The following MYO3A variants were observed in gnomAD, a reference collection of about 807,000 sequenced individuals.
MYO3A encodes myosin IIIA, also known as myosin-IIIa.
In MYO3A, 180 loss-of-function variants were observed where a neutral mutation model predicts 192.7. The observed-to-expected ratio is 0.93, with a 90% CI of 0.83 to 1.06. The LOEUF (loss-of-function observed/expected upper bound fraction) is 1.06. Ranked by LOEUF, MYO3A falls within the 50% of genes least tolerant of loss-of-function variation. The probability of loss-of-function intolerance (pLI) is 0.00; values close to 1 mark genes in which losing one functional copy is unlikely to be tolerated. For missense variants in MYO3A, 1,896 were observed against 1,905.0 expected, an observed-to-expected ratio of 1.00 and a Z score of 0.09; for synonymous variants, 628 against 645.3, an observed-to-expected ratio of 0.97 and a Z score of 0.41.
intron 25 of MYO3A, among the ~76,000 whole-genome samples, chr10:26,156,927 A>C (rs984200530): frequency 6.6e-6 from 1 of 152,222 alleles, no homozygotes; most frequent in Non-Finnish European, 1.5e-5. Flanking sequence ...TTGGACAAGG[A>C]AATTAATATA....
In MYO3A at chr10:26,191,421, G is replaced by T. The variant is rs138175502; in HGVS notation, c.4439-1784G>T. ...CCTTGAAAAAGGGAGAGAGGGAATG[G>T]GAGATGAACCTCCAGGGATGGGTTG... is the stretch of plus-strand genomic sequence containing the variant. On this transcript the variant is annotated intron_variant, in intron 31 of 34. Transcript: ENST00000642920. Among the ~76,000 whole-genome samples the T allele has an allele frequency of 5.5e-3, 840 of 152,280 alleles. 8 individuals carry two copies. The highest frequency in any genetic ancestry group is 0.019 in the African/African-American group (787 of 41,560).
intron 10 of MYO3A, among the ~76,000 whole-genome samples, chr10:26,030,017 T>C (rs1842735145): frequency 6.6e-6 from 1 of 152,200 alleles, no homozygotes; most frequent in Non-Finnish European, 1.5e-5. Context: ...GTAGATCTTA[T>C]GTCTCTCCAT....
chr10:26,062,498 A>G (rs574388294), intron 10 of MYO3A, among the ~76,000 whole-genome samples: 19 of 144,108 alleles, frequency 1.3e-4, no homozygotes, highest in African/African-American at 4.9e-4. Context: ...GCCTGGCGAC[A>G]GAGTGAGATG....
chr10:25,968,148 T>C (rs1023229812), intron 4 of MYO3A, among the ~76,000 whole-genome samples: 2 of 151,978 alleles, frequency 1.3e-5, no homozygotes, highest in African/African-American at 4.8e-5. Context: ...TGAAAACTAA[T>C]GAGAAGGATT....
At chr10:25,985,706 A>C (rs1839610811) in intron 4 of MYO3A, among the ~76,000 whole-genome samples, 1 of 151,640 alleles carries the variant, frequency 6.6e-6, no homozygotes. Context: ...TAATAAAAAA[A>C]TTGCCCACCA....
At chr10:26,037,525 A>T (rs898232680) in intron 10 of MYO3A, among the ~76,000 whole-genome samples, 1 of 152,182 alleles carries the variant, frequency 6.6e-6, no homozygotes, top group African/African-American at 2.4e-5. Context: ...ATGGTGAGAG[A>T]TAGGGATCTA....
At chr10:26,086,639 G>A (rs1270508066) in intron 14 of MYO3A, among the ~76,000 whole-genome samples, 1 of 151,996 alleles carries the variant, frequency 6.6e-6, no homozygotes, top group Non-Finnish European at 1.5e-5. Flanking sequence ...AAAAAAAGGT[G>A]GTGCTACCCC....
intron 11 of MYO3A, 55 bp downstream of exon 11, chr10:26,067,129 A>G: frequency 1.7e-6 from 2 of 1,190,594 alleles, no homozygotes; most frequent in Non-Finnish European, 2.5e-6. Context: ...GTTAATTTAT[A>G]GAAGACACGG....
At chr10:26,098,149 G>A (rs1837175593) in intron 17 of MYO3A, among the ~76,000 whole-genome samples, 1 of 152,164 alleles carries the variant, frequency 6.6e-6, no homozygotes, top group African/African-American at 2.4e-5. Flanking sequence ...GTTTTGATTT[G>A]CATTTCTCTG....
At chr10:25,964,098 G>A (rs925168618) in intron 4 of MYO3A, among the ~76,000 whole-genome samples, 1 of 152,008 alleles carries the variant, frequency 6.6e-6, no homozygotes. Context: ...CATTACTAGT[G>A]TGCTATAGTG....
intron 32 of MYO3A, among the ~76,000 whole-genome samples, chr10:26,200,163 C>G (rs926075572): frequency 6.6e-6 from 1 of 152,220 alleles, no homozygotes; most frequent in African/African-American, 2.4e-5. Flanking sequence ...GAAGCACTCA[C>G]TTCCACCTCA....
chr10:25,960,063 A>G (rs909054095), intron 4 of MYO3A, among the ~76,000 whole-genome samples: 3 of 152,088 alleles, frequency 2.0e-5, no homozygotes, highest in African/African-American at 7.2e-5. Flanking sequence ...GCACTGCTAA[A>G]TCAGTTACTG....
chr10:26,141,955 C>T (rs367619873), intron 20 of MYO3A, among the ~76,000 whole-genome samples: 27 of 152,298 alleles, frequency 1.8e-4, no homozygotes, highest in African/African-American at 6.5e-4. Context: ...AAATGTCCCA[C>T]CTGCCACTGG....
intron 2 of MYO3A, among the ~76,000 whole-genome samples, chr10:25,948,250 T>C (rs1026073571): frequency 5.9e-5 from 9 of 152,146 alleles, no homozygotes; most frequent in Non-Finnish European, 1.3e-4. Context: ...AAGAATTAGG[T>C]GCATGTTTAC....
intron 10 of MYO3A, among the ~76,000 whole-genome samples, chr10:26,039,303 G>A (rs904151029): frequency 4.8e-5 from 7 of 144,572 alleles, no homozygotes; most frequent in South Asian, 4.4e-4. Context: ...CAGGTCATCC[G>A]CCTGTCTCGG....
Position 26,125,572 on chromosome 10 carries a change from G to A in MYO3A, c.2078G>A (p.Cys693Tyr). Residue 693 changes from cysteine (C) to tyrosine (Y), a missense_variant, in exon 19 of 35, where the codon TGC becomes TAC. Physicochemically the swap from Cys to Tyr is radical, Grantham distance 194. Transcript: ENST00000642920. ...CGTCTCTTTAGTTGGATAGTCAATT[G>A]CATTAACAGTTTGTTGAAGCATGAC... Reference protein sequence around the residue: ...YGRLFSWIVNCINSLLKHDSS... With the variant: ...YGRLFSWIVNYINSLLKHDSS... 2 of 1,613,978 alleles carry A rather than the reference G, an allele frequency of 1.2e-6. No individual in the cohort carries two copies. Among genetic ancestry groups the A allele is most frequent in the South Asian group, 2.2e-5 (2 of 91,072 alleles).
intron 10 of MYO3A, among the ~76,000 whole-genome samples, chr10:26,061,545 C>T (rs1223207730): frequency 1.3e-5 from 2 of 152,022 alleles, no homozygotes; most frequent in Non-Finnish European, 2.9e-5. Context: ...CCCTTCTGTA[C>T]GGAGCTGATG....
At chr10:25,992,289 G>A (rs1326318245) in intron 4 of MYO3A, among the ~76,000 whole-genome samples, 1 of 152,192 alleles carries the variant, frequency 6.6e-6, no homozygotes, top group Non-Finnish European at 1.5e-5. Context: ...GTGAATGGGA[G>A]TTCACTCATG....
At chr10:26,179,044 C>T (rs867549214) in intron 31 of MYO3A, among the ~76,000 whole-genome samples, 15 of 148,346 alleles carry the variant, frequency 1.0e-4, no homozygotes, top group African/African-American at 2.5e-4. Context: ...GTGATCCGCC[C>T]GCCTTGGCCT....
Sources: gnomAD v4.1 joint callset for allele counts (sites outside exome capture counted in the v4.1 genomes callset) on GRCh38, gnomAD v4.1.1 for gene constraint, MANE v1.5 for transcripts, NCBI Gene and HGNC (gene_info 2026-07-23, HGNC 2026-07-21) for gene names.